SDK1: variants seen among roughly 807,000 people sequenced by gnomAD.
SDK1 encodes protein sidekick-1.
A neutral mutation model predicts 245.5 loss-of-function variants in SDK1; 157 were observed. That is an observed-to-expected ratio of 0.64 (90% confidence interval 0.56 to 0.73). The LOEUF (loss-of-function observed/expected upper bound fraction) is 0.73. Ranked by LOEUF, SDK1 falls within the 30% of genes least tolerant of loss-of-function variation. SDK1 has a pLI of 0.00. For missense variants in SDK1, 3,583 were observed against 3,002.3 expected, an observed-to-expected ratio of 1.19 and a Z score of -4.52; for synonymous variants, 1,647 against 1,278.5, an observed-to-expected ratio of 1.29 and a Z score of -6.15.
intron 4 of SDK1, among the ~76,000 whole-genome samples, chr7:3,752,109 T>C (rs114885611): frequency 1.3e-5 from 2 of 152,210 alleles, no homozygotes; most frequent in Non-Finnish European, 2.9e-5. Flanking sequence ...ACTGCCTGTA[T>C]TATTGAACGT....
intron 13 of SDK1, among the ~76,000 whole-genome samples, chr7:3,975,061 G>T (rs971812353): frequency 1.3e-5 from 2 of 152,050 alleles, no homozygotes; most frequent in African/African-American, 2.4e-5. Flanking sequence ...GCAACTGCCC[G>T]TTACTTCCAA....
chr7:3,958,771 G>A (rs896564033), intron 7 of SDK1, among the ~76,000 whole-genome samples, 160 bp from the exon 8 acceptor site: 2 of 152,172 alleles, frequency 1.3e-5, no homozygotes, highest in African/African-American at 4.8e-5. Flanking sequence ...AATTGCCTTT[G>A]GCCTGTGCTC....
In SDK1 at chr7:3,759,732, C is replaced by T. The variant is rs190731901; in HGVS notation, c.714-61718C>T. ...TCAGCCTCCTGAGTAGCTGGGACTA[C>T]AGGGGCATGCCACCATGCCTGGCTA... On this transcript the variant is annotated intron_variant, in intron 4 of 44. Coordinates refer to ENST00000404826, the MANE Select transcript of SDK1 (RefSeq NM_152744.4). 5.3e-3 allele frequency among the ~76,000 whole-genome samples: 801 copies of T among 152,090 alleles called. 7 individuals carry two copies. The highest frequency in any genetic ancestry group is 0.018 in the African/African-American group (743 of 41,482).
intron 13 of SDK1, among the ~76,000 whole-genome samples, chr7:3,980,596 G>T (rs892469078): frequency 6.6e-6 from 1 of 152,232 alleles, no homozygotes; most frequent in African/African-American, 2.4e-5. Flanking sequence ...TTATTGATGG[G>T]TTAGTCAAGG....
chr7:3,563,857 A>G (rs1336534861), intron 1 of SDK1, among the ~76,000 whole-genome samples: 1 of 152,196 alleles, frequency 6.6e-6, no homozygotes, highest in Non-Finnish European at 1.5e-5. Flanking sequence ...TTCACTCAGT[A>G]TAATGCAATA....
chr7:3,945,653 C>T lies in SDK1; in HGVS notation c.848-5270C>T, dbSNP rs187121182. 3.7e-3 allele frequency among the ~76,000 whole-genome samples: 557 copies of T among 151,888 alleles called. 2 individuals carry two copies. Among genetic ancestry groups the T allele is most frequent in the African/African-American group, 0.012 (518 of 41,448 alleles). ...GCTCACGCCTGTAATCCCAGCACTT[C>T]GGGAGGCCAAGGCAGGCGGATCACA... On this transcript the variant is annotated intron_variant, in intron 5 of 44. Transcript: ENST00000404826.
chr7:4,022,367 A>C lies in SDK1; in HGVS notation c.2602+5015A>C, dbSNP rs73298971. On this transcript the variant is annotated intron_variant, in intron 17 of 44. Coordinates refer to ENST00000404826, the MANE Select transcript of SDK1 (RefSeq NM_152744.4). ...TGAGGTATCCGGGGAAATGAGATGT[A>C]ATTCATCTTGACTTTAATAAGGCCC... Among the ~76,000 whole-genome samples the C allele has an allele frequency of 8.1e-3, 1,232 of 152,252 alleles. 16 individuals carry two copies. Among genetic ancestry groups the C allele is most frequent in the African/African-American group, 0.028 (1,170 of 41,566 alleles).
At position 3,804,170 on chromosome 7, in the gene SDK1, C is replaced by G. The variant is rs551009721; in HGVS notation, c.714-17280C>G. 2.6e-5 allele frequency among the ~76,000 whole-genome samples: 4 copies of G among 152,296 alleles called. No individual in the cohort carries two copies. The East Asian group carries it at 7.7e-4, about 29-fold the overall frequency. ...ATGAATTATGCTTTTGCTGTCATAT[C>G]TAAGAACTCTGCAATTTCTCTGATA... On this transcript the variant is annotated intron_variant, in intron 4 of 44. Transcript: ENST00000404826.
chr7:4,138,224 G>C (rs1176736088), intron 28 of SDK1, among the ~76,000 whole-genome samples: 1 of 152,166 alleles, frequency 6.6e-6, no homozygotes. Context: ...GGCTTTGCCA[G>C]GCCTGCATCC....
chr7:3,756,360 C>G (rs1483739369), intron 4 of SDK1, among the ~76,000 whole-genome samples: 2 of 151,348 alleles, frequency 1.3e-5, no homozygotes, highest in Non-Finnish European at 2.9e-5. Context: ...TGTTTTGAAC[C>G]TGACTCCTTT....
At chr7:3,457,576 C>T (rs1190145810) in intron 1 of SDK1, among the ~76,000 whole-genome samples, 1 of 152,098 alleles carries the variant, frequency 6.6e-6, no homozygotes, top group African/African-American at 2.4e-5. Flanking sequence ...TCTGTTTTGC[C>T]TGGTTGGATT....
intron 1 of SDK1, among the ~76,000 whole-genome samples, chr7:3,333,771 C>A (rs924557747): frequency 1.3e-5 from 2 of 152,202 alleles, no homozygotes; most frequent in African/African-American, 4.8e-5. Flanking sequence ...CTACTTTAAG[C>A]AGAAAGCAGT....
intron 4 of SDK1, among the ~76,000 whole-genome samples, chr7:3,725,374 T>C (rs771394667): frequency 6.6e-6 from 1 of 152,188 alleles, no homozygotes; most frequent in African/African-American, 2.4e-5. Flanking sequence ...GAGGAGGGAC[T>C]TGGCAGAGGA....
chr7:3,442,670 A>G (rs1780229169), intron 1 of SDK1, among the ~76,000 whole-genome samples: 1 of 152,216 alleles, frequency 6.6e-6, no homozygotes, highest in South Asian at 2.1e-4. Context: ...AAATTATTAT[A>G]GTAACATGGG....
chr7:3,681,301 G>A (rs1301381284), intron 4 of SDK1, among the ~76,000 whole-genome samples: 4 of 152,176 alleles, frequency 2.6e-5, no homozygotes, highest in Admixed American at 2.6e-4. Context: ...GTTCTGGAAA[G>A]CATTCGTTTT....
At chr7:4,109,723 G>T (rs1461207528) in intron 22 of SDK1, among the ~76,000 whole-genome samples, 1 of 152,216 alleles carries the variant, frequency 6.6e-6, no homozygotes, top group Non-Finnish European at 1.5e-5. Flanking sequence ...GGCGCAGCTT[G>T]TGTGGCACCA....
At chr7:3,911,252 T>G (rs564032365) in intron 5 of SDK1, among the ~76,000 whole-genome samples, 4 of 152,320 alleles carry the variant, frequency 2.6e-5, no homozygotes, top group African/African-American at 9.6e-5. Context: ...CCATGCTTCT[T>G]TGTCCTCTAG....
rs190333912 is a variant in SDK1 at position 3,647,435 on chromosome 7, A to T, written c.713+5330A>T. Among the ~76,000 whole-genome samples, 39 of 151,982 alleles carry T rather than the reference A, an allele frequency of 2.6e-4. 1 individual carries two copies. The highest frequency in any genetic ancestry group is 2.4e-3 in the Admixed American group (36 of 15,280). ...TACATCAAGCTCTTTTCTGTTTTGA[A>T]AGTTGGAGACAGTCTTGCTCTGTCT... On this transcript the variant is annotated intron_variant, in intron 4 of 44. Transcript: ENST00000404826.
rs1785901007 is a variant in SDK1 at position 4,233,108 on chromosome 7, T to C, written c.5828-147T>C. 4.5e-6 allele frequency: 3 copies of C among 668,046 alleles called. No individual in the cohort carries two copies. In the Admixed American group the frequency reaches 8.2e-5, roughly 18 times the overall value. 41.4% of individuals were successfully genotyped at this position (668,046 alleles called of 1,614,324 possible). ...TTCGACTTGCGAAACTGAGACTCCG[T>C]CCCCATTCAGCACTCACTCCGCATC... is the stretch of plus-strand genomic sequence containing the variant. On this transcript the variant is annotated intron_variant, in intron 40 of 44. Coordinates refer to ENST00000404826, the MANE Select transcript of SDK1 (RefSeq NM_152744.4).
Sources: allele counts gnomAD v4.1 joint callset (sites outside exome capture counted in the v4.1 genomes callset), GRCh38; gene constraint gnomAD v4.1.1; transcripts MANE v1.5; gene names NCBI Gene and HGNC (gene_info 2026-07-23, HGNC 2026-07-21).